The following SLC25A21 variants were observed in gnomAD, a reference collection of about 807,000 sequenced individuals.
SLC25A21 encodes solute carrier family 25 member 21.
A neutral mutation model predicts 43.8 loss-of-function variants in SLC25A21; 47 were observed. The observed-to-expected ratio is 1.07, with a 90% CI of 0.85 to 1.37. The LOEUF is 1.37. Ranked by LOEUF, SLC25A21 falls within the 40% of genes most tolerant of loss-of-function variation. The pLI is 0.00. For missense variants in SLC25A21, 352 were observed against 350.2 expected, an observed-to-expected ratio of 1.00 and a Z score of -0.04; for synonymous variants, 131 against 121.3, an observed-to-expected ratio of 1.08 and a Z score of -0.52.
chr14:36,947,402 G>A (rs1892702701), intron 1 of SLC25A21, among the ~76,000 whole-genome samples: 1 of 152,218 alleles, frequency 6.6e-6, no homozygotes. Flanking sequence ...AATGTGGGAT[G>A]TGTACAGGTG....
At chr14:36,763,603 T>A (rs1594565005) in intron 3 of SLC25A21, among the ~76,000 whole-genome samples, 1 of 151,900 alleles carries the variant, frequency 6.6e-6, no homozygotes, top group African/African-American at 2.4e-5. Flanking sequence ...TGGTAGGGGG[T>A]CTGGAAATAG....
chr14:36,803,677 T>G (rs989203112), intron 3 of SLC25A21, among the ~76,000 whole-genome samples: 1 of 152,200 alleles, frequency 6.6e-6, no homozygotes, highest in South Asian at 2.1e-4. Context: ...TTCCACACAA[T>G]GAGCTGTTTA....
intron 1 of SLC25A21, among the ~76,000 whole-genome samples, chr14:37,169,277 T>G (rs1368506208): frequency 6.6e-6 from 1 of 152,042 alleles, no homozygotes; most frequent in Non-Finnish European, 1.5e-5. Flanking sequence ...ACTAGGCGAG[T>G]GTCTGTGGAA....
chr14:36,991,807 G>A (rs1212162044), intron 1 of SLC25A21, among the ~76,000 whole-genome samples: 1 of 151,994 alleles, frequency 6.6e-6, no homozygotes, highest in Non-Finnish European at 1.5e-5. Flanking sequence ...TTCCCCTGCA[G>A]GGCTGATACG....
chr14:37,103,902 C>T (rs1442055455), intron 1 of SLC25A21, among the ~76,000 whole-genome samples: 1 of 152,170 alleles, frequency 6.6e-6, no homozygotes, highest in African/African-American at 2.4e-5. Flanking sequence ...TCTCAGGATA[C>T]TTGTTACCCA....
At chr14:37,125,829 C>T (rs1337026819) in intron 1 of SLC25A21, among the ~76,000 whole-genome samples, 1 of 152,084 alleles carries the variant, frequency 6.6e-6, no homozygotes, top group Non-Finnish European at 1.5e-5. Flanking sequence ...TAAGGCTGTC[C>T]AAATGCTGTG....
intron 2 of SLC25A21, among the ~76,000 whole-genome samples, chr14:36,841,270 T>C (rs1889377066): frequency 6.6e-6 from 1 of 152,220 alleles, no homozygotes; most frequent in African/African-American, 2.4e-5. Context: ...CACAAAAGTA[T>C]ATAATTCAGG....
intron 3 of SLC25A21, among the ~76,000 whole-genome samples, chr14:36,812,049 A>G (rs915930621): frequency 6.6e-6 from 1 of 152,198 alleles, no homozygotes; most frequent in Non-Finnish European, 1.5e-5. Flanking sequence ...ATTAGTATCT[A>G]TAATACATAA....
intron 1 of SLC25A21, among the ~76,000 whole-genome samples, chr14:37,114,630 AG>A (rs1480094086): frequency 2.6e-5 from 4 of 152,196 alleles, no homozygotes; most frequent in Non-Finnish European, 5.9e-5. Flanking sequence ...TCTAGTTAGC[AG>A]CATGTAGAAG....
In SLC25A21 at chr14:36,973,365, C is replaced by T. The variant is rs527324385; in HGVS notation, c.71-98361G>A. ...ATGAACACGGAACTGAGCAAAGGCA[C>T]GTGAGAAACATAGCGGAGGCTGCCT... On this transcript the variant is annotated intron_variant, in intron 1 of 9. Coordinates refer to ENST00000331299, the MANE Select transcript of SLC25A21 (RefSeq NM_030631.4). 5.9e-5 allele frequency among the ~76,000 whole-genome samples: 9 copies of T among 152,218 alleles called. No individual in the cohort carries two copies. In the South Asian group the frequency reaches 8.3e-4, roughly 14 times the overall value.
intron 1 of SLC25A21, among the ~76,000 whole-genome samples, chr14:36,892,331 G>C (rs1165026808): frequency 6.6e-6 from 1 of 152,118 alleles, no homozygotes; most frequent in Non-Finnish European, 1.5e-5. Flanking sequence ...CATTCTGAGA[G>C]AGATATATTT....
chr14:37,129,710 ATC>A, intron 1 of SLC25A21, among the ~76,000 whole-genome samples: 1 of 151,844 alleles, frequency 6.6e-6, no homozygotes, highest in East Asian at 1.9e-4. Flanking sequence ...GAGGCAGACA[ATC>A]AATATTCCAT....
At chr14:37,106,210 T>C (rs778256819) in intron 1 of SLC25A21, among the ~76,000 whole-genome samples, 5 of 152,052 alleles carry the variant, frequency 3.3e-5, no homozygotes, top group Non-Finnish European at 7.4e-5. Flanking sequence ...CAAGGGAAGA[T>C]AACCATAAGG....
chr14:36,798,906 G>C (rs1477877105), intron 3 of SLC25A21, among the ~76,000 whole-genome samples: 1 of 151,814 alleles, frequency 6.6e-6, no homozygotes, highest in Non-Finnish European at 1.5e-5. Flanking sequence ...GAGAGAAAGA[G>C]AGAGAGAGAG....
intron 2 of SLC25A21, among the ~76,000 whole-genome samples, chr14:36,866,262 CT>C (rs1448875172): frequency 6.6e-6 from 1 of 152,214 alleles, no homozygotes; most frequent in Non-Finnish European, 1.5e-5. Flanking sequence ...AGGTCCACTG[CT>C]GTACCTTTGG....
intron 1 of SLC25A21, among the ~76,000 whole-genome samples, chr14:37,097,376 C>G (rs893770620): frequency 2.6e-5 from 4 of 152,090 alleles, no homozygotes; most frequent in African/African-American, 9.6e-5. Flanking sequence ...GCTGGGATTA[C>G]AATGTGAGCC....
chr14:37,154,719 T>C (rs1183657265), intron 1 of SLC25A21, among the ~76,000 whole-genome samples: 2 of 151,830 alleles, frequency 1.3e-5, no homozygotes, highest in Non-Finnish European at 2.9e-5. Context: ...CTCAGCTCAC[T>C]GTAACTTCCA....
chr14:37,121,083 G>T (rs1963199260), intron 1 of SLC25A21, among the ~76,000 whole-genome samples: 5 of 152,046 alleles, frequency 3.3e-5, no homozygotes, highest in Admixed American at 3.3e-4. Context: ...TGTCCCAAAG[G>T]GCAAACTGAA....
intron 1 of SLC25A21, among the ~76,000 whole-genome samples, chr14:37,147,844 CTTT>C (rs61239254): frequency 7.9e-6 from 1 of 126,250 alleles, no homozygotes; most frequent in African/African-American, 2.9e-5. Context: ...TTTTTCTTTT[CTTT>C]TTTTTTTTTT....
Sources: gnomAD v4.1 joint callset for allele counts (sites outside exome capture counted in the v4.1 genomes callset) on GRCh38, gnomAD v4.1.1 for gene constraint, MANE v1.5 for transcripts, NCBI Gene and HGNC (gene_info 2026-07-23, HGNC 2026-07-21) for gene names.